Variants in CYB5R3 observed in about 807,000 individuals in gnomAD.
The protein encoded by CYB5R3 is NADH-cytochrome b5 reductase 3.
CYB5R3 carries 28 observed loss-of-function variants against 36.5 expected under a neutral mutation model. That is an observed-to-expected ratio of 0.77 (90% CI 0.57 to 1.05). CYB5R3 has a LOEUF of 1.05. Among genes scored for constraint, CYB5R3 ranks in the 50% least tolerant of loss-of-function variants. CYB5R3 has a pLI of 0.00. For missense variants in CYB5R3, 474 were observed against 408.9 expected (o/e 1.16, Z -1.37); for synonymous variants, 181 against 159.8 (o/e 1.13, Z -1.00).
rs552992131 is a variant in CYB5R3 at position 42,646,642 on chromosome 22, T to G, written c.21+2653A>C. ...AAGCCAGTCGGGTGACTTGCTTACC[T>G]GTCCCCTGCCTGCCCGCCAGCGGTC... On this transcript the variant is annotated intron_variant, in intron 1 of 8. Transcript: ENST00000352397. 40 of 985,526 alleles carry G rather than the reference T, an allele frequency of 4.1e-5. No homozygotes were observed. In the African/African-American group the frequency reaches 5.8e-4, roughly 14 times the overall value. 61.0% of individuals were successfully genotyped at this position (985,526 alleles called of 1,614,324 possible).
In CYB5R3 at chr22:42,619,909, A is replaced by G; in HGVS notation, c.770T>C (p.Met257Thr). 6.2e-7 allele frequency: 1 copy of G among 1,607,870 alleles called. No homozygotes were observed. Among genetic ancestry groups the G allele is most frequent in the South Asian group, 1.1e-5 (1 of 89,804 alleles). ...DYGQGFVNEE[M>T]IRDHLPPPEE... Reference sequence around the variant, plus strand: ...TGGGGGTGGAAGGTGGTCCCGGATCATCTCCTCATTCACGAAGCCCTGGCC... The same window carrying G: ...TGGGGGTGGAAGGTGGTCCCGGATCGTCTCCTCATTCACGAAGCCCTGGCC... The change falls in exon 9 of 9, where the codon ATG becomes ACG. Residue 257 changes from methionine (M) to threonine (T), a missense_variant. Physicochemically the swap from Met to Thr is moderately conservative, Grantham distance 81. Transcript: ENST00000352397.
chr22:42,635,628 C>G (rs1928851341), intron 2 of CYB5R3, among the ~76,000 whole-genome samples: 1 of 152,304 alleles, frequency 6.6e-6, no homozygotes, highest in African/African-American at 2.4e-5. Flanking sequence ...GACACTTGCC[C>G]CAACAGTTAC....
In CYB5R3 at chr22:42,630,979, A is replaced by G; in HGVS notation, c.236T>C (p.Ile79Thr). Reference sequence around the variant, plus strand: ...TCCATCAATTCGAGCCGAGAGGTAGATGTGCTGGCCTGCAGGACAGAACGG... The same window carrying G: ...TCCATCAATTCGAGCCGAGAGGTAGGTGTGCTGGCCTGCAGGACAGAACGG... ...HILGLPVGQHIYLSARIDGNL... is the reference protein window; with the variant it reads ...HILGLPVGQHTYLSARIDGNL... The change falls in exon 4 of 9, where the codon ATC (isoleucine) becomes ACC (threonine). Residue 79 changes from isoleucine to threonine, a missense_variant. By Grantham distance (89) the Ile-to-Thr change is moderately conservative. Transcript: ENST00000352397. The G allele has an allele frequency of 1.9e-6, 3 of 1,613,854 alleles. No individual in the cohort carries two copies. The highest frequency in any genetic ancestry group is 2.5e-6 in the Non-Finnish European group (3 of 1,179,914).
intron 4 of CYB5R3, 104 bp from the exon 5 acceptor site, chr22:42,628,385 C>A: frequency 6.9e-7 from 1 of 1,446,192 alleles, no homozygotes; most frequent in Non-Finnish European, 9.6e-7. Flanking sequence ...TCTTCTGAGG[C>A]CCACACATGG....
intron 1 of CYB5R3, chr22:42,646,813 A>G: frequency 1.0e-6 from 1 of 986,130 alleles, no homozygotes; most frequent in Non-Finnish European, 1.2e-6. Flanking sequence ...ACAGGTGGAC[A>G]CAGAGCTGGG....
chr22:42,646,481 C>T (rs1164369713), intron 1 of CYB5R3, among the ~76,000 whole-genome samples: 2 of 152,204 alleles, frequency 1.3e-5, no homozygotes, highest in African/African-American at 4.8e-5. Context: ...CTGCCCACCC[C>T]TGGAATTCCC....
intron 1 of CYB5R3, among the ~76,000 whole-genome samples, chr22:42,643,520 T>C (rs923257440): frequency 7.0e-5 from 10 of 142,266 alleles, no homozygotes; most frequent in Non-Finnish European, 1.5e-4. Context: ...TTGTTGGGCT[T>C]AAAACAAAAG....
At chr22:42,639,787 G>C (rs5751318) in intron 1 of CYB5R3, 351,159 of 713,022 alleles carry the variant, frequency 0.49, 90,189 homozygotes, top group Non-Finnish European at 0.53. Context: ...ACTCTTAAAT[G>C]GTTCAAAATA....
At chr22:42,648,557 G>T (rs1929630148) in intron 1 of CYB5R3, among the ~76,000 whole-genome samples, 1 of 152,022 alleles carries the variant, frequency 6.6e-6, no homozygotes, top group Non-Finnish European at 1.5e-5. Context: ...TCCGGCGGCA[G>T]CGTTGTGGGA....
chr22:42,640,037 C>T, intron 1 of CYB5R3: 1 of 1,613,574 alleles, frequency 6.2e-7, no homozygotes, highest in Non-Finnish European at 8.5e-7. Flanking sequence ...ACCTCAGTGG[C>T]CACCAAACCG....
intron 1 of CYB5R3, among the ~76,000 whole-genome samples, chr22:42,645,623 G>A (rs1929502390): frequency 6.6e-6 from 1 of 152,104 alleles, no homozygotes; most frequent in South Asian, 2.1e-4. Flanking sequence ...CAACAACAGG[G>A]GCTGCCCGGA....
intron 1 of CYB5R3, chr22:42,644,762 G>A (rs549808126): frequency 1.7e-5 from 9 of 515,354 alleles, no homozygotes; most frequent in African/African-American, 1.7e-4. Context: ...CCCTGGCAAT[G>A]AACTTGAATG....
chr22:42,628,147 A>G lies in CYB5R3; in HGVS notation c.463+5T>C, dbSNP rs1351588219. On this transcript the variant is annotated splice_donor_5th_base_variant and intron_variant, in intron 5 of 8. Coordinates refer to ENST00000352397, the MANE Select transcript of CYB5R3 (RefSeq NM_000398.7). ...GTGTAACCAAGGGATTCCGACCCGA[A>G]TCACCTTTGCCCTGGTAGACCAGCA... The G allele has an allele frequency of 6.2e-7, 1 of 1,613,926 alleles. No homozygotes were observed. Among genetic ancestry groups the G allele is most frequent in the Non-Finnish European group, 8.5e-7 (1 of 1,179,894 alleles).
intron 1 of CYB5R3, among the ~76,000 whole-genome samples, chr22:42,638,396 CAAAAAAA>C (rs1206825251): frequency 2.7e-5 from 1 of 36,514 alleles, no homozygotes; most frequent in Non-Finnish European, 5.0e-5. Context: ...AACTCCATCT[CAAAAAAA>C]AAAAAAAAAA....
At chr22:42,646,601 G>C in intron 1 of CYB5R3, 1 of 971,862 alleles carries the variant, frequency 1.0e-6, no homozygotes, top group Non-Finnish European at 1.2e-6. Context: ...CCAGCTCCCT[G>C]CCCTGGAGCT....
chr22:42,644,917 G>A (rs751261076), intron 1 of CYB5R3, among the ~76,000 whole-genome samples: 2 of 152,204 alleles, frequency 1.3e-5, no homozygotes, highest in East Asian at 1.9e-4. Flanking sequence ...TTCCTCCCCG[G>A]CCCTCCCACA....
rs751975938 is a variant in CYB5R3, at chr22:42,636,728, A to G, written c.140T>C (p.Leu47Pro). The G allele has an allele frequency of 1.9e-6, 3 of 1,612,612 alleles. No individual in the cohort carries two copies. The highest frequency in any genetic ancestry group is 2.5e-6 in the Non-Finnish European group (3 of 1,179,878). ...ESPDIKYPLRLIDREIISHDT... is the reference protein window; with the variant it reads ...ESPDIKYPLRPIDREIISHDT... ...GCCGGCACTCACCTCCCGGTCGATG[A>G]GCCGCAGCGGGTACTTGATGTCCGG... The change falls in exon 2 of 9, where the codon CTC (leucine) becomes CCC (proline). Residue 47 changes from leucine to proline, a missense_variant. Transcript: ENST00000352397.
At chr22:42,639,769 G>C in intron 1 of CYB5R3, 1 of 618,656 alleles carries the variant, frequency 1.6e-6, no homozygotes. Context: ...GGGGCAAAGG[G>C]GCAACTTACT....
chr22:42,638,444 C>CCCGT, intron 1 of CYB5R3, among the ~76,000 whole-genome samples: 1 of 145,890 alleles, frequency 6.9e-6, no homozygotes, highest in South Asian at 2.2e-4. Context: ...GTGTCACACG[C>CCCGT]CCGTGGTCCC....
Sources: gnomAD v4.1 joint callset for allele counts (sites outside exome capture counted in the v4.1 genomes callset) on GRCh38, gnomAD v4.1.1 for gene constraint, MANE v1.5 for transcripts, NCBI Gene and HGNC (gene_info 2026-07-23, HGNC 2026-07-21) for gene names.